Variants in CHD2 observed in about 807,000 individuals in gnomAD.
The protein encoded by CHD2 is chromodomain helicase DNA binding protein 2, also known as ATP-dependent chromatin remodeler CHD2.
CHD2 carries 28 observed loss-of-function variants against 243.9 expected under a neutral mutation model. The ratio of observed to expected loss-of-function variants is 0.11; its 90% confidence interval spans 0.09 to 0.16. The LOEUF (loss-of-function observed/expected upper bound fraction) is 0.16. CHD2 is among the 10% of genes least tolerant of loss of function. The pLI is 1.00. For synonymous variants in CHD2, 775 were observed against 779.0 expected (o/e 0.99, Z 0.09); for missense variants, 1,386 against 2,209.8 (o/e 0.63, Z 7.47).
intron 5 of CHD2, among the ~76,000 whole-genome samples, chr15:92,929,912 C>T (rs1478701791): frequency 6.6e-6 from 1 of 151,722 alleles, no homozygotes; most frequent in Non-Finnish European, 1.5e-5. Context: ...AAACCCATTT[C>T]CTCATCTCCA....
At position 92,940,863 on chromosome 15, in the gene CHD2, T is replaced by G. The variant is rs1440161121; in HGVS notation, c.693-959T>G. ...AAAAATATATATAAATATATAAATA[T>G]ATAAAAATATACATATAAATATATA... On this transcript the variant is annotated intron_variant, in intron 7 of 38. Transcript: ENST00000394196. Among the ~76,000 whole-genome samples the G allele has an allele frequency of 6.2e-5, 8 of 128,332 alleles. 1 individual carries two copies. The highest frequency in any genetic ancestry group is 1.3e-4 in the Non-Finnish European group (8 of 61,690). The allele number at this position is 128,332 out of a possible 152,430, so 84.2% of individuals were successfully genotyped here.
chr15:92,970,747 G>A (rs1386861761), intron 17 of CHD2, among the ~76,000 whole-genome samples: 1 of 152,018 alleles, frequency 6.6e-6, no homozygotes, highest in East Asian at 1.9e-4. Context: ...TATATAGTAT[G>A]GTTTATTCAA....
chr15:92,954,787 C>T (rs533571558), intron 14 of CHD2, among the ~76,000 whole-genome samples: 1 of 152,330 alleles, frequency 6.6e-6, no homozygotes, highest in South Asian at 2.1e-4. Flanking sequence ...CCTGCAGGCA[C>T]TTACTGTCTT....
chr15:92,925,137 G>A (rs568445801), intron 3 of CHD2, among the ~76,000 whole-genome samples: 62 of 152,266 alleles, frequency 4.1e-4, no homozygotes, highest in African/African-American at 1.5e-3. Context: ...AGCAGTTCCG[G>A]AAAGTTAATA....
Position 93,024,429 on chromosome 15 carries a change from C to G in CHD2, c.5211C>G (p.His1737Gln), listed in dbSNP as rs1350393242. The change falls in exon 39 of 39, where the codon CAC (histidine) becomes CAG (glutamine). Residue 1737 changes from histidine (H) to glutamine (Q), a missense_variant. His to Gln is a conservative substitution (Grantham distance 24). Transcript: ENST00000394196. ...RSDEFRPQNY[H>Q]QQDFRRMSDH... ...ATGAATTTAGGCCTCAAAATTACCACCAGCAGGATTTCCGACGAATGTCTG... is the reference window on the plus strand; with the variant it reads ...ATGAATTTAGGCCTCAAAATTACCAGCAGCAGGATTTCCGACGAATGTCTG... The G allele has an allele frequency of 6.2e-7, 1 of 1,614,022 alleles. No individual in the cohort carries two copies.
At chr15:93,006,397 T>G (rs186197695) in intron 34 of CHD2, among the ~76,000 whole-genome samples, 1 of 152,276 alleles carries the variant, frequency 6.6e-6, no homozygotes, top group East Asian at 1.9e-4. Context: ...AATGCTGGGA[T>G]TACAGGCGTG....
chr15:92,952,998 A>G (rs1019117534), intron 13 of CHD2, among the ~76,000 whole-genome samples: 32 of 152,320 alleles, frequency 2.1e-4, no homozygotes, highest in East Asian at 1.5e-3. Flanking sequence ...AGCTTTCTCT[A>G]TTGATGGAGT....
chr15:92,988,268 A>G (rs1440384809), intron 26 of CHD2, among the ~76,000 whole-genome samples: 2 of 152,078 alleles, frequency 1.3e-5, no homozygotes, highest in African/African-American at 2.4e-5. Context: ...TATTTTTAGT[A>G]GAGATGGGAT....
chr15:93,017,732 C>T lies in CHD2; in HGVS notation c.4907-2280C>T, dbSNP rs76477514. Among the ~76,000 whole-genome samples, 453 of 152,210 alleles carry T rather than the reference C, an allele frequency of 3.0e-3. 3 individuals are homozygous for T. Among genetic ancestry groups the T allele is most frequent in the Admixed American group, 5.0e-3 (77 of 15,300 alleles). Reference sequence around the variant, plus strand: ...CAAGCTACCCTGCCTGGAAGCATTACGTTCTATGTTCTGTAATCTTAAAAA... The same window carrying T: ...CAAGCTACCCTGCCTGGAAGCATTATGTTCTATGTTCTGTAATCTTAAAAA... On this transcript the variant is annotated intron_variant, in intron 37 of 38. Transcript: ENST00000394196.
At chr15:92,953,929 A>T (rs1029021771) in intron 14 of CHD2, 1 of 172,656 alleles carries the variant, frequency 5.8e-6, no homozygotes, top group African/African-American at 2.4e-5. Context: ...CTCAATAGAC[A>T]TATTACTGAA....
At chr15:93,012,896 G>A (rs1220317039) in intron 36 of CHD2, among the ~76,000 whole-genome samples, 1 of 152,228 alleles carries the variant, frequency 6.6e-6, no homozygotes, top group East Asian at 1.9e-4. Context: ...ATAGGGGGAT[G>A]GGTGCAGAAG....
intron 34 of CHD2, among the ~76,000 whole-genome samples, chr15:93,006,286 C>T (rs1035629201): frequency 6.6e-6 from 1 of 152,030 alleles, no homozygotes; most frequent in African/African-American, 2.4e-5. Context: ...ACCACCACAC[C>T]CGGCTAACTT....
Position 92,997,338 on chromosome 15 carries a change from T to C in CHD2, c.3820T>C (p.Tyr1274His). Residue 1274 changes from tyrosine to histidine, a missense_variant, in exon 30 of 39, where the codon TAT (tyrosine) becomes CAT (histidine). By Grantham distance (83) the Tyr-to-His change is moderately conservative. Transcript: ENST00000394196. This position sits in a 1 kb window ranked among gnomAD's most constrained non-coding sequence, Gnocchi z 4.1. The part of the protein sequence containing the change: ...EDDSRLLLGI[Y>H]EHGYGNWELI... ...TGATTCTCGCCTGTTGCTGGGGATTTATGAACATGGCTATGGAAACTGGGA... is the reference window on the plus strand; with the variant it reads ...TGATTCTCGCCTGTTGCTGGGGATTCATGAACATGGCTATGGAAACTGGGA... 6.2e-7 allele frequency: 1 copy of C among 1,613,368 alleles called. No individual in the cohort carries two copies. The highest frequency in any genetic ancestry group is 1.3e-5 in the African/African-American group (1 of 74,934).
At chr15:92,973,332 A>T (rs1439774463) in intron 19 of CHD2, among the ~76,000 whole-genome samples, 1 of 152,196 alleles carries the variant, frequency 6.6e-6, no homozygotes, top group Non-Finnish European at 1.5e-5. Flanking sequence ...GTAGAAACTT[A>T]TTCTCTGATC....
At chr15:92,978,048 T>C (rs1341758105) in intron 20 of CHD2, 186 bp from the exon 21 acceptor site, 1 of 656,420 alleles carries the variant, frequency 1.5e-6, no homozygotes, top group Non-Finnish European at 2.6e-6. Context: ...TGACTTTGCC[T>C]CTTAATCAAA....
chr15:92,910,442 G>T (rs1479986399), intron 2 of CHD2, among the ~76,000 whole-genome samples: 1 of 152,058 alleles, frequency 6.6e-6, no homozygotes, highest in African/African-American at 2.4e-5. Context: ...GCCTAGGTTG[G>T]AGTGCAGTGG....
chr15:92,994,016 A>T (rs1003447326), intron 28 of CHD2, among the ~76,000 whole-genome samples: 17 of 152,240 alleles, frequency 1.1e-4, no homozygotes, highest in Admixed American at 3.9e-4. Flanking sequence ...TGAAGTTATT[A>T]TCATTCTACT....
intron 16 of CHD2, among the ~76,000 whole-genome samples, chr15:92,961,974 C>T (rs970443613): frequency 6.7e-6 from 1 of 149,334 alleles, no homozygotes; most frequent in Non-Finnish European, 1.5e-5. Context: ...CTCCGCCTTC[C>T]AGTTTCAAGT....
chr15:93,002,426 G>A lies in CHD2; in HGVS notation c.4278+109G>A, dbSNP rs199728966. On this transcript the variant is annotated intron_variant, in intron 33 of 38. Transcript: ENST00000394196. ...GCCCTGGAATAATTGTCTTTTTATG[G>A]GTATGTTCAAGAAGGATGGGTGGGG... 3.7e-5 allele frequency: 56 copies of A among 1,505,690 alleles called. No homozygotes were observed. In the Admixed American group the frequency reaches 5.3e-4, roughly 14 times the overall value. The allele number at this position is 1,505,690 out of a possible 1,614,324, so 93.3% of individuals were successfully genotyped here.
Sources: allele counts gnomAD v4.1 joint callset (sites outside exome capture counted in the v4.1 genomes callset), GRCh38; gene constraint gnomAD v4.1.1; non-coding constraint Gnocchi (gnomAD v3.1); transcripts MANE v1.5; gene names NCBI Gene and HGNC (gene_info 2026-07-23, HGNC 2026-07-21).